PRKAB1: variants seen among roughly 807,000 people sequenced by gnomAD.
The protein encoded by PRKAB1 is 5'-AMP-activated protein kinase subunit beta-1.
In PRKAB1, 18 loss-of-function variants were observed where a neutral mutation model predicts 32.0. That is an observed-to-expected ratio of 0.56 (90% CI 0.39 to 0.83). The LOEUF is 0.83. Among genes scored for constraint, PRKAB1 ranks in the 40% least tolerant of loss-of-function variants. The probability of loss-of-function intolerance (pLI) is 0.00; values close to 1 mark genes in which losing one functional copy is unlikely to be tolerated. For synonymous variants in PRKAB1, 141 were observed against 141.4 expected (o/e 1.00, Z 0.02); for missense variants, 263 against 352.6 (o/e 0.75, Z 2.03).
chr12:119,681,517 C>G lies in PRKAB1; in HGVS notation c.*1192C>G, dbSNP rs559557172. 1.3e-5 allele frequency: 2 copies of G among 152,336 alleles called. No individual in the cohort carries two copies. The highest frequency in any genetic ancestry group is 4.1e-4 in the South Asian group (2 of 4,824). The allele number at this position is 152,336 out of a possible 1,614,324, so 9.4% of individuals were successfully genotyped here. ...TGAGCTCCCTGGGTTCCAGTATTTA[C>G]TTGGTATACCTGAGTTTGGGGGTAC... On this transcript the variant is annotated 3_prime_UTR_variant, in exon 7 of 7. Coordinates refer to ENST00000229328, the MANE Select transcript of PRKAB1 (RefSeq NM_006253.5).
intron 1 of PRKAB1, chr12:119,671,466 C>G (rs538317265): frequency 2.4e-6 from 1 of 417,482 alleles, no homozygotes; most frequent in Non-Finnish European, 4.8e-6. Flanking sequence ...AGGAAACTTA[C>G]AATCATGGTA....
chr12:119,675,508 T>C (rs1398899724), intron 4 of PRKAB1, among the ~76,000 whole-genome samples: 1 of 152,212 alleles, frequency 6.6e-6, no homozygotes, highest in Non-Finnish European at 1.5e-5. Context: ...TCCTCCAAAA[T>C]ATATAACTTA....
intron 4 of PRKAB1, 26 bp from the exon 5 acceptor site, chr12:119,676,511 A>C (rs963804079): frequency 1.3e-6 from 2 of 1,575,194 alleles, no homozygotes; most frequent in Admixed American, 1.8e-5. Flanking sequence ...TTTTCAAAGT[A>C]AAGTCCTGTT....
intron 1 of PRKAB1, chr12:119,669,602 A>C (rs1485908832): frequency 2.7e-5 from 4 of 147,028 alleles, no homozygotes; most frequent in Admixed American, 1.4e-4. Context: ...TTTGAGATGG[A>C]GTCTCACTCT....
Position 119,672,290 on chromosome 12 carries a change from T to C in PRKAB1, c.160-11T>C. On this transcript the variant is annotated splice_polypyrimidine_tract_variant and intron_variant, in intron 1 of 6. Coordinates refer to ENST00000229328, the MANE Select transcript of PRKAB1 (RefSeq NM_006253.5). Reference sequence around the variant, plus strand: ...GCTTATGGCTTTCTGAGTAAACTGCTCTGCTTCTAGGCACCAGAGAAGGAG... The same window carrying C: ...GCTTATGGCTTTCTGAGTAAACTGCCCTGCTTCTAGGCACCAGAGAAGGAG... 1 of 1,597,948 alleles carries C rather than the reference T, an allele frequency of 6.3e-7. No homozygotes were observed. The highest frequency in any genetic ancestry group is 8.5e-7 in the Non-Finnish European group (1 of 1,172,484).
intron 4 of PRKAB1, among the ~76,000 whole-genome samples, chr12:119,675,158 C>T (rs974566971): frequency 1.1e-4 from 17 of 152,322 alleles, no homozygotes; most frequent in South Asian, 6.2e-4. Context: ...TTCTTGGAGG[C>T]GGGGGCTTAA....
At chr12:119,672,251 G>T (rs369294717) in intron 1 of PRKAB1, 50 bp from the exon 2 acceptor site, 1 of 1,516,062 alleles carries the variant, frequency 6.6e-7, no homozygotes, top group African/African-American at 1.4e-5. Context: ...AATATTGTCT[G>T]TTGTAGGGAG....
chr12:119,668,292 C>T lies in PRKAB1; in HGVS notation c.48C>T (p.Gly16=). ...GCGCCGCGCTGGAGCGGCATGGTGG[C>T]CATAAGACGCCCCGGAGGGACAGCT... ...SERAALERHG[G]HKTPRRDSSG... The change falls in exon 1 of 7, where the codon GGC becomes GGT. Residue 16 remains glycine, a synonymous_variant. Transcript: ENST00000229328. 6.2e-7 allele frequency: 1 copy of T among 1,611,584 alleles called. No individual in the cohort carries two copies. Among genetic ancestry groups the T allele is most frequent in the Non-Finnish European group, 8.5e-7 (1 of 1,179,058 alleles).
In PRKAB1 at chr12:119,680,273, C is replaced by A; in HGVS notation, c.761C>A (p.Thr254Asn). 1 of 1,614,082 alleles carries A rather than the reference C, an allele frequency of 6.2e-7. No homozygotes were observed. The highest frequency in any genetic ancestry group is 1.1e-5 in the South Asian group (1 of 91,086). ...IKDGVMVLSATHRYKKKYVTT... is the reference protein window; with the variant it reads ...IKDGVMVLSANHRYKKKYVTT... Reference sequence around the variant, plus strand: ...GATGGAGTGATGGTGCTCAGCGCAACCCACCGGTACAAGAAGAAGTACGTC... The same window carrying A: ...GATGGAGTGATGGTGCTCAGCGCAAACCACCGGTACAAGAAGAAGTACGTC... The change falls in exon 7 of 7, where the codon ACC becomes AAC. Residue 254 changes from threonine to asparagine, a missense_variant. Physicochemically the swap from Thr to Asn is moderately conservative, Grantham distance 65. Coordinates refer to ENST00000229328, the MANE Select transcript of PRKAB1 (RefSeq NM_006253.5).
upstream of PRKAB1, chr12:119,667,969 A>C: frequency 2.3e-6 from 1 of 434,264 alleles, no homozygotes; most frequent in Non-Finnish European, 4.1e-6. Flanking sequence ...GAAGTCGCTG[A>C]GGGGTGGTGA....
At chr12:119,673,003 A>G (rs1244745346) in intron 2 of PRKAB1, among the ~76,000 whole-genome samples, 1 of 152,236 alleles carries the variant, frequency 6.6e-6, no homozygotes, top group Non-Finnish European at 1.5e-5. Context: ...CTGAGGCAGG[A>G]GGATTGCTTG....
Position 119,668,360 on chromosome 12 carries a change from A to G in PRKAB1, c.116A>G (p.Asp39Gly), listed in dbSNP as rs1158296874. The change falls in exon 1 of 7, where the codon GAC becomes GGC. Residue 39 changes from aspartate (D) to glycine (G), a missense_variant. Coordinates refer to ENST00000229328, the MANE Select transcript of PRKAB1 (RefSeq NM_006253.5). ...GGGGACAGGCCCAAGATCCTGATGG[A>G]CAGCCCCGAAGACGCCGACCTCTTC... ...KDGDRPKILM[D>G]SPEDADLFHS... 6.2e-7 allele frequency: 1 copy of G among 1,613,408 alleles called. No homozygotes were observed. The highest frequency in any genetic ancestry group is 8.5e-7 in the Non-Finnish European group (1 of 1,179,760).
upstream of PRKAB1, chr12:119,668,075 C>T: frequency 1.2e-6 from 1 of 815,116 alleles, no homozygotes; most frequent in Non-Finnish European, 1.8e-6. Flanking sequence ...GCTCGGCAAC[C>T]CTGCCGACTC....
At position 119,674,003 on chromosome 12, in the gene PRKAB1, A is replaced by G. The variant is rs1223140821; in HGVS notation, c.363A>G (p.Gly121=). The change falls in exon 3 of 7, where the codon GGA becomes GGG. Residue 121 remains glycine, a synonymous_variant. Coordinates refer to ENST00000229328, the MANE Select transcript of PRKAB1 (RefSeq NM_006253.5). This position sits in a 1 kb window ranked among gnomAD's most constrained non-coding sequence, Gnocchi z 4.3. ...NFVAILDLPE[G]EHQYKFFVDG... The stretch of plus-strand genomic sequence containing the variant: ...TAGCCATCCTGGATCTGCCGGAAGG[A>G]GAGCATCAGTACAAGTTCTTTGTGG... 6.2e-7 allele frequency: 1 copy of G among 1,613,954 alleles called. No homozygotes were observed. The highest frequency in any genetic ancestry group is 1.3e-5 in the African/African-American group (1 of 74,916).
intron 5 of PRKAB1, chr12:119,678,321 T>C (rs1955441652): frequency 6.6e-6 from 1 of 152,186 alleles, no homozygotes. Context: ...ACAACAACCA[T>C]GTGAAGTAGG....
rs958012542 is a variant in PRKAB1, at chr12:119,679,760, C to G, written c.667-173C>G. ...AGGGAGCTCCCTTCAGGTCAGAAGG[C>G]GTGACCTTCATCTCACCTGTCGTCT... On this transcript the variant is annotated intron_variant, in intron 5 of 6. Coordinates refer to ENST00000229328, the MANE Select transcript of PRKAB1 (RefSeq NM_006253.5). This position sits in a 1 kb window ranked among gnomAD's most constrained non-coding sequence, Gnocchi z 4.1. 9.2e-6 allele frequency: 6 copies of G among 653,894 alleles called. No individual in the cohort carries two copies. The highest frequency in any genetic ancestry group is 4.4e-5 in the Admixed American group (2 of 44,976). 40.5% of individuals were successfully genotyped at this position (653,894 alleles called of 1,614,324 possible).
chr12:119,670,255 G>A lies in PRKAB1; in HGVS notation c.159+1852G>A, dbSNP rs537919968. 7.2e-5 allele frequency among the ~76,000 whole-genome samples: 11 copies of A among 152,318 alleles called. No individual in the cohort carries two copies. The South Asian group carries it at 1.7e-3, about 23-fold the overall frequency. On this transcript the variant is annotated intron_variant, in intron 1 of 6. Coordinates refer to ENST00000229328, the MANE Select transcript of PRKAB1 (RefSeq NM_006253.5). ...AAGTAGGTTTAGGAAAGATAAAGCT[G>A]CCCTCTGCCCAACATACCCTGTTAG... is the stretch of plus-strand genomic sequence containing the variant.
At chr12:119,668,085 CAGCCGGAACCGGCTCCCGGCCCG>C (rs1339427927), upstream of PRKAB1, 1 of 923,456 alleles carries the variant, frequency 1.1e-6, no homozygotes, top group East Asian at 3.3e-5. Flanking sequence ...CCTGCCGACT[CAGCCGGAACCGGCTCCCGGCCCG>C]AGGGGCGTGG....
chr12:119,679,872 A>G lies in PRKAB1; in HGVS notation c.667-61A>G. On this transcript the variant is annotated intron_variant, in intron 5 of 6. Transcript: ENST00000229328. The surrounding 1 kb of genome is among the most constrained non-coding windows in gnomAD (Gnocchi z 4.1). ...CCTTTGATATCTGGCACTGGGAAGTAAAGGGGAGAATCTTGGTTTCCAAAT... is the reference window on the plus strand; with the variant it reads ...CCTTTGATATCTGGCACTGGGAAGTGAAGGGGAGAATCTTGGTTTCCAAAT... The G allele has an allele frequency of 6.5e-7, 1 of 1,546,738 alleles. No individual in the cohort carries two copies. The highest frequency in any genetic ancestry group is 8.9e-7 in the Non-Finnish European group (1 of 1,119,012).
Sources: gnomAD v4.1 joint callset for allele counts (sites outside exome capture counted in the v4.1 genomes callset) on GRCh38, gnomAD v4.1.1 for gene constraint, Gnocchi (gnomAD v3.1) non-coding constraint, MANE v1.5 for transcripts, NCBI Gene and HGNC (gene_info 2026-07-23, HGNC 2026-07-21) for gene names.